KCMF1: variants seen among roughly 807,000 people sequenced by gnomAD.
KCMF1 encodes potassium channel modulatory factor 1, also known as E3 ubiquitin-protein ligase KCMF1.
A neutral mutation model predicts 41.1 loss-of-function variants in KCMF1; 3 were observed. That is an observed-to-expected ratio of 0.07 (90% CI 0.03 to 0.19). The LOEUF is 0.19. KCMF1 is among the 10% of genes least tolerant of loss of function. The pLI, the probability that KCMF1 is intolerant of heterozygous loss-of-function variation, is 1.00. For synonymous variants in KCMF1, 142 were observed against 164.5 expected (o/e 0.86, Z 1.04); for missense variants, 286 against 488.9 (o/e 0.58, Z 3.91).
At chr2:85,039,999 A>G (rs1675488022) in intron 3 of KCMF1, among the ~76,000 whole-genome samples, 1 of 151,986 alleles carries the variant, frequency 6.6e-6, no homozygotes, top group South Asian at 2.1e-4. Flanking sequence ...TATTTTTAGT[A>G]GAGATGGGGT....
At chr2:85,039,125 T>G (rs1675467161) in intron 3 of KCMF1, among the ~76,000 whole-genome samples, 1 of 152,252 alleles carries the variant, frequency 6.6e-6, no homozygotes, top group Non-Finnish European at 1.5e-5. Context: ...AAGTGTTAAG[T>G]TAGTTCTGAT....
In KCMF1 at chr2:84,971,522, C is replaced by G. The variant is rs887845192; in HGVS notation, c.16+55C>G. ...CTCCCGGGCCTCGGCCTACCCCGCCCGGGCCGGGCGCGGCGGAGGGCGGCC... is the reference window on the plus strand; with the variant it reads ...CTCCCGGGCCTCGGCCTACCCCGCCGGGGCCGGGCGCGGCGGAGGGCGGCC... On this transcript the variant is annotated intron_variant, in intron 1 of 6. Transcript: ENST00000409785. 1.0e-5 allele frequency: 11 copies of G among 1,064,894 alleles called. No individual in the cohort carries two copies. The South Asian group carries it at 2.4e-4, about 23-fold the overall frequency. The allele number at this position is 1,064,894 out of a possible 1,614,324, so 66.0% of individuals were successfully genotyped here.
At position 85,054,983 on chromosome 2, in the gene KCMF1, A is replaced by G. The variant is rs1262507134; in HGVS notation, c.*1574A>G. On this transcript the variant is annotated 3_prime_UTR_variant, in exon 7 of 7. Coordinates refer to ENST00000409785, the MANE Select transcript of KCMF1 (RefSeq NM_020122.5). ...AGAAGTCACCCTACATGTCTGAAAAACTGTTGCTTCTCCTCTGAAACTTCA... is the reference window on the plus strand; with the variant it reads ...AGAAGTCACCCTACATGTCTGAAAAGCTGTTGCTTCTCCTCTGAAACTTCA... 6.6e-6 allele frequency: 1 copy of G among 152,144 alleles called. No individual in the cohort carries two copies. The highest frequency in any genetic ancestry group is 1.5e-5 in the Non-Finnish European group (1 of 68,026). The allele number at this position is 152,144 out of a possible 1,614,324, so 9.4% of individuals were successfully genotyped here. A position where few individuals can be genotyped will look rare whatever the true frequency, so the allele number is the denominator to read the frequency against.
chr2:84,980,864 C>T (rs1038812708), intron 1 of KCMF1, among the ~76,000 whole-genome samples: 1 of 152,054 alleles, frequency 6.6e-6, no homozygotes, highest in Non-Finnish European at 1.5e-5. Flanking sequence ...TGGTCTTGAA[C>T]TCTTGGGCTC....
At chr2:85,035,695 C>T (rs1675388163) in intron 3 of KCMF1, among the ~76,000 whole-genome samples, 1 of 152,150 alleles carries the variant, frequency 6.6e-6, no homozygotes, top group Non-Finnish European at 1.5e-5. Context: ...TGGCTAAAGG[C>T]CATGGACCCA....
chr2:85,026,933 G>T (rs1234576673), intron 1 of KCMF1, among the ~76,000 whole-genome samples: 1 of 152,006 alleles, frequency 6.6e-6, no homozygotes, highest in East Asian at 1.9e-4. Context: ...CTTATTCTTT[G>T]GATGTTTATA....
chr2:85,041,760 T>C (rs1204503300), intron 3 of KCMF1, among the ~76,000 whole-genome samples: 2 of 147,740 alleles, frequency 1.4e-5, no homozygotes, highest in African/African-American at 5.0e-5. Flanking sequence ...ACATTGCTGG[T>C]CTTTTTTTTT....
chr2:85,007,867 T>G (rs1674510529), intron 1 of KCMF1, among the ~76,000 whole-genome samples: 2 of 152,174 alleles, frequency 1.3e-5, no homozygotes, highest in South Asian at 4.1e-4. Flanking sequence ...GTTCAAGTGA[T>G]TCTCCTGCCT....
chr2:85,028,019 C>A lies in KCMF1; in HGVS notation c.147C>A (p.Asp49Glu). The A allele has an allele frequency of 6.2e-7, 1 of 1,608,348 alleles. No individual in the cohort carries two copies. The highest frequency in any genetic ancestry group is 8.5e-7 in the Non-Finnish European group (1 of 1,177,472). The part of the protein sequence containing the change: ...SGATTTRHTT[D>E]HPMQCILTRV... ...CAACAACAACAAGGCATACAACTGA[C>A]CACCCAATGCAGTGCATATTAACAA... is the stretch of plus-strand genomic sequence containing the variant. The change falls in exon 2 of 7, where the codon GAC becomes GAA. Residue 49 changes from aspartate to glutamate, a missense_variant. Asp to Glu is a conservative substitution (Grantham distance 45). Transcript: ENST00000409785.
At chr2:85,008,347 A>T (rs7559176) in intron 1 of KCMF1, among the ~76,000 whole-genome samples, 1,378 of 7,302 alleles carry the variant, frequency 0.19, 108 homozygotes, top group African/African-American at 0.23. Context: ...TATGATATAT[A>T]ATATATAATA....
At chr2:84,991,505 A>G (rs1674042688) in intron 1 of KCMF1, among the ~76,000 whole-genome samples, 2 of 152,116 alleles carry the variant, frequency 1.3e-5, no homozygotes, top group Admixed American at 1.3e-4. Context: ...TATCAGGTAG[A>G]CATCATTTTG....
rs1013518910 is a variant in KCMF1 at position 85,049,644 on chromosome 2, A to G, written c.880A>G (p.Thr294Ala). ...QTLQNSQFLL[T>A]RLNDPKMSET... ...TCTACAGAATTCCCAGTTTCTTTTA[A>G]CAAGGTAGCTCATTTGTTAATAGAA... is the stretch of plus-strand genomic sequence containing the variant. The change falls in exon 6 of 7, where the codon ACA becomes GCA. Residue 294 changes from threonine (T) to alanine (A), a missense_variant. This residue lies in a region of KCMF1 where 191 missense variants were observed against 279.3 expected (regional missense o/e 0.68). Transcript: ENST00000409785. The G allele has an allele frequency of 6.2e-7, 1 of 1,610,158 alleles. No homozygotes were observed. Among genetic ancestry groups the G allele is most frequent in the African/African-American group, 1.3e-5 (1 of 75,008 alleles).
At chr2:85,031,568 A>G (rs1269363526) in intron 2 of KCMF1, among the ~76,000 whole-genome samples, 1 of 152,202 alleles carries the variant, frequency 6.6e-6, no homozygotes, top group Non-Finnish European at 1.5e-5. Context: ...GGCTTACATA[A>G]GTGTTCTGAG....
At chr2:85,046,484 G>T (rs756631660) in intron 5 of KCMF1, among the ~76,000 whole-genome samples, 42 of 152,024 alleles carry the variant, frequency 2.8e-4, no homozygotes, top group Non-Finnish European at 4.9e-4. Context: ...AAAAAAATTA[G>T]CCAGATTTGG....
At chr2:84,972,022 C>A (rs1019093920) in intron 1 of KCMF1, 1 of 152,138 alleles carries the variant, frequency 6.6e-6, no homozygotes, top group Non-Finnish European at 1.5e-5. Flanking sequence ...GGCCAAGGGA[C>A]GGGAAGCCCT....
At position 85,026,927 on chromosome 2, in the gene KCMF1, T is replaced by C. The variant is rs551728796; in HGVS notation, c.17-962T>C. ...TTTTATGGTTTAAATTATGAACTTA[T>C]TCTTTGGATGTTTATATATGCCAGA... On this transcript the variant is annotated intron_variant, in intron 1 of 6. Transcript: ENST00000409785. 2.0e-5 allele frequency among the ~76,000 whole-genome samples: 3 copies of C among 152,358 alleles called. No homozygotes were observed. The South Asian group carries it at 6.2e-4, about 32-fold the overall frequency.
intron 1 of KCMF1, among the ~76,000 whole-genome samples, chr2:84,979,447 C>A (rs1456233580): frequency 6.6e-6 from 1 of 151,558 alleles, no homozygotes; most frequent in Non-Finnish European, 1.5e-5. Flanking sequence ...TCTCTTGAAC[C>A]CAGGAGGCGG....
intron 3 of KCMF1, among the ~76,000 whole-genome samples, chr2:85,041,761 C>CTT (rs76025789): frequency 3.5e-4 from 32 of 91,908 alleles, no homozygotes; most frequent in Non-Finnish European, 3.9e-4. Flanking sequence ...CATTGCTGGT[C>CTT]TTTTTTTTTT....
chr2:84,975,929 A>C (rs1482166658), intron 1 of KCMF1, among the ~76,000 whole-genome samples: 1 of 152,212 alleles, frequency 6.6e-6, no homozygotes, highest in Non-Finnish European at 1.5e-5. Flanking sequence ...GTGTCGCCTT[A>C]AATCATTCAA....
Sources: gnomAD v4.1 joint callset for allele counts (sites outside exome capture counted in the v4.1 genomes callset) on GRCh38, gnomAD v4.1.1 for gene constraint, gnomAD v4.1.1 regional missense constraint, MANE v1.5 for transcripts, NCBI Gene and HGNC (gene_info 2026-07-23, HGNC 2026-07-21) for gene names.